The following SYCE1L variants were observed in gnomAD, a reference collection of about 807,000 sequenced individuals.
The protein encoded by SYCE1L is synaptonemal complex central element protein 1-like.
In SYCE1L, 51 loss-of-function variants were observed where a neutral mutation model predicts 39.6. That is an observed-to-expected ratio of 1.29 (90% CI 1.03 to 1.63). SYCE1L has a LOEUF of 1.63. SYCE1L is among the 40% of genes most tolerant of loss of function. SYCE1L has a pLI of 0.00. For missense variants in SYCE1L, 426 were observed against 304.9 expected (o/e 1.40, Z -2.96); for synonymous variants, 147 against 122.4 (o/e 1.20, Z -1.33).
chr16:77,209,499 T>C (rs2054808579), intron 6 of SYCE1L, 28 bp downstream of exon 6: 1 of 1,551,180 alleles, frequency 6.4e-7, no homozygotes, highest in African/African-American at 1.4e-5. Context: ...AGCTCTTCCC[T>C]ACCTCATTCC....
At chr16:77,206,395 C>T (rs2054785937) in intron 1 of SYCE1L, 46 bp from the exon 2 acceptor site, 1 of 1,528,334 alleles carries the variant, frequency 6.5e-7, no homozygotes, top group African/African-American at 1.4e-5. Flanking sequence ...TCTCTCTCCC[C>T]TCTCACTCTC....
intron 10 of SYCE1L, 90 bp downstream of exon 10, chr16:77,212,736 G>C (rs1014392160): frequency 2.1e-6 from 3 of 1,435,808 alleles, no homozygotes; most frequent in African/African-American, 1.5e-5. Context: ...CCGAGAGTGG[G>C]GTCTGTGGGG....
At chr16:77,206,943 A>T (rs1380087936) in intron 2 of SYCE1L, among the ~76,000 whole-genome samples, 1 of 152,094 alleles carries the variant, frequency 6.6e-6, no homozygotes, top group African/African-American at 2.4e-5. Flanking sequence ...TCTACATCAG[A>T]GCTGAGGCAG....
At chr16:77,206,856 C>G (rs2054789180) in intron 2 of SYCE1L, among the ~76,000 whole-genome samples, 1 of 152,082 alleles carries the variant, frequency 6.6e-6, no homozygotes, top group African/African-American at 2.4e-5. Flanking sequence ...CCTTTTTACA[C>G]ACAAATGGAA....
chr16:77,209,567 C>A, intron 6 of SYCE1L, 96 bp downstream of exon 6: 2 of 1,334,034 alleles, frequency 1.5e-6, no homozygotes, highest in Non-Finnish European at 2.1e-6. Flanking sequence ...ACAGAAGCCT[C>A]ATTTTACCTT....
In SYCE1L at chr16:77,199,488, C is replaced by T. The variant is rs1217177613; in HGVS notation, c.37C>T (p.Pro13Ser). 5.2e-6 allele frequency: 8 copies of T among 1,551,270 alleles called. No homozygotes were observed. ...GCTGAAACCTCTGAATGTGGAGGCG[C>T]CAGAAGCTACTGAGGAGGCTGAAGG... Reference protein sequence around the residue: ...GKLKPLNVEAPEATEEAEGQA... With the variant: ...GKLKPLNVEASEATEEAEGQA... The change falls in exon 1 of 11, where the codon CCA becomes TCA. Residue 13 changes from proline to serine, a missense_variant. Transcript: ENST00000378644.
At chr16:77,210,952 A>G (rs2142520127) in intron 6 of SYCE1L, among the ~76,000 whole-genome samples, 1 of 152,326 alleles carries the variant, frequency 6.6e-6, no homozygotes, top group South Asian at 2.1e-4. Flanking sequence ...CTCAGGTTTC[A>G]GAGTCTCAAA....
chr16:77,204,624 C>A (rs1241045751), intron 1 of SYCE1L, among the ~76,000 whole-genome samples: 2 of 152,204 alleles, frequency 1.3e-5, no homozygotes, highest in African/African-American at 4.8e-5. Context: ...TTTGAAATTA[C>A]GGTATATCCA....
At position 77,209,131 on chromosome 16, in the gene SYCE1L, G is replaced by C; in HGVS notation, c.291G>C (p.Leu97Phe). ...AGAAAGTGCACCTAGAGGAGGTCTT[G>C]GGCAAAAAGCAAGGTATTTACCAGT... The part of the protein sequence containing the change: ...NGEKVHLEEV[L>F]GKKQEALRIL... Residue 97 changes from leucine (L) to phenylalanine (F), a missense_variant, in exon 5 of 11, where the codon TTG (leucine) becomes TTC (phenylalanine). Leu to Phe is a conservative substitution (Grantham distance 22). Transcript: ENST00000378644. The C allele has an allele frequency of 6.4e-7, 1 of 1,551,436 alleles. No homozygotes were observed. Among genetic ancestry groups the C allele is most frequent in the Admixed American group, 2.0e-5 (1 of 50,968 alleles).
In SYCE1L at chr16:77,213,104, G is replaced by A. The variant is rs2054838673; in HGVS notation, c.*173G>A. The stretch of plus-strand genomic sequence containing the variant: ...CTGCCGGACCCCTCCCACCAGTCGA[G>A]CCCCGGGCGCCGTACAGAGGCTGGG... On this transcript the variant is annotated 3_prime_UTR_variant, in exon 11 of 11. Coordinates refer to ENST00000378644, the MANE Select transcript of SYCE1L (RefSeq NM_001129979.3). The A allele has an allele frequency of 5.1e-6, 3 of 588,256 alleles. No individual in the cohort carries two copies. Among genetic ancestry groups the A allele is most frequent in the Non-Finnish European group, 2.6e-6 (1 of 380,596 alleles). The allele number at this position is 588,256 out of a possible 1,614,324, so 36.4% of individuals were successfully genotyped here.
chr16:77,208,465 C>T lies in SYCE1L; in HGVS notation c.182C>T (p.Ala61Val), dbSNP rs1264880342. The change falls in exon 4 of 11, where the codon GCA becomes GTA. Residue 61 changes from alanine (A) to valine (V), a missense_variant and splice_region_variant. Ala to Val is a moderately conservative substitution (Grantham distance 64, BLOSUM62 0). Transcript: ENST00000378644. ...GTGTCTTTTTCCCTTCTTGGCCCAGCAAAGAAGAAATCCAGTGAGGAACTG... is the reference window on the plus strand; with the variant it reads ...GTGTCTTTTTCCCTTCTTGGCCCAGTAAAGAAGAAATCCAGTGAGGAACTG... The part of the protein sequence containing the change: ...LISRINDLQQ[A>V]KKKSSEELRE... 6.4e-7 allele frequency: 1 copy of T among 1,551,678 alleles called. No individual in the cohort carries two copies. Among genetic ancestry groups the T allele is most frequent in the Non-Finnish European group, 8.7e-7 (1 of 1,147,000 alleles).
chr16:77,212,673 G>C, intron 10 of SYCE1L, 27 bp downstream of exon 10: 1 of 1,524,816 alleles, frequency 6.6e-7, no homozygotes, highest in Non-Finnish European at 8.8e-7. Context: ...AGGGAGGCGG[G>C]GCGGGCAGGG....
intron 6 of SYCE1L, 51 bp downstream of exon 6, chr16:77,209,522 G>T: frequency 6.5e-7 from 1 of 1,544,352 alleles, no homozygotes; most frequent in African/African-American, 1.4e-5. Context: ...AGCTGAAAAA[G>T]GAGGGAGCAA....
At position 77,205,056 on chromosome 16, in the gene SYCE1L, A is replaced by AGAAAAAAG. The variant is rs1555502751; in HGVS notation, c.62-1385_62-1384insGAAAAAAG. ...CGAGACTCCATCTCAAAAAAAAAAA[A>AGAAAAAAG]AAAAGAAAAGAAAAAGATAATGTGG... On this transcript the variant is annotated intron_variant, in intron 1 of 10. Transcript: ENST00000378644. Among the ~76,000 whole-genome samples, 2 of 140,668 alleles carry AGAAAAAAG rather than the reference A, an allele frequency of 1.4e-5. 1 individual carries two copies. The highest frequency in any genetic ancestry group is 1.5e-4 in the Admixed American group (2 of 13,758). The allele number at this position is 140,668 out of a possible 152,430, so 92.3% of individuals were successfully genotyped here. A position where few individuals can be genotyped will look rare whatever the true frequency, so the allele number is the denominator to read the frequency against.
Position 77,208,452 on chromosome 16 carries a change from CT to C in SYCE1L, c.182-11del. On this transcript the variant is annotated splice_polypyrimidine_tract_variant and intron_variant, in intron 3 of 10. Transcript: ENST00000378644. Reference sequence around the variant, plus strand: ...CTACACTCATACAGTGTCTTTTTCCCTTCTTGGCCCAGCAAAGAAGAAATCC... The same window carrying C: ...CTACACTCATACAGTGTCTTTTTCCCTCTTGGCCCAGCAAAGAAGAAATCC... The C allele has an allele frequency of 1.9e-6, 3 of 1,551,520 alleles. No individual in the cohort carries two copies. The highest frequency in any genetic ancestry group is 2.6e-6 in the Non-Finnish European group (3 of 1,146,936).
At chr16:77,210,469 A>G (rs2054815011) in intron 6 of SYCE1L, among the ~76,000 whole-genome samples, 1 of 152,224 alleles carries the variant, frequency 6.6e-6, no homozygotes, top group African/African-American at 2.4e-5. Flanking sequence ...CTCACACTGT[A>G]TGATGAGCAT....
intron 2 of SYCE1L, among the ~76,000 whole-genome samples, chr16:77,206,760 G>C (rs551958557): frequency 6.6e-6 from 1 of 151,938 alleles, no homozygotes; most frequent in African/African-American, 2.4e-5. Context: ...CTGACTCATG[G>C]GCAAGCAGCT....
chr16:77,200,224 A>ATGTG (rs200853495), intron 1 of SYCE1L: 10 of 131,856 alleles, frequency 7.6e-5, no homozygotes, highest in Non-Finnish European at 1.3e-4. Context: ...GTATGTATGT[A>ATGTG]TGTGTGTGTA....
chr16:77,199,963 C>G (rs2054713286), intron 1 of SYCE1L: 1 of 153,092 alleles, frequency 6.5e-6, no homozygotes, highest in Non-Finnish European at 1.4e-5. Context: ...AGGGTATTGA[C>G]TTGAATGACA....
Sources: gnomAD v4.1 joint callset for allele counts (sites outside exome capture counted in the v4.1 genomes callset) on GRCh38, gnomAD v4.1.1 for gene constraint, MANE v1.5 for transcripts, NCBI Gene and HGNC (gene_info 2026-07-23, HGNC 2026-07-21) for gene names.